The following SEL1L2 variants were observed in gnomAD, a reference collection of about 807,000 sequenced individuals.
SEL1L2 encodes SEL1L2 adaptor subunit of SYVN1 ubiquitin ligase.
SEL1L2 carries 89 observed loss-of-function variants against 98.8 expected under a neutral mutation model. The observed-to-expected ratio is 0.90, with a 90% CI of 0.76 to 1.07. The LOEUF is 1.07. Among genes scored for constraint, SEL1L2 ranks in the 50% least tolerant of loss-of-function variants. SEL1L2 has a pLI of 0.00. For missense variants in SEL1L2, 788 were observed against 812.0 expected (o/e 0.97, Z 0.36); for synonymous variants, 262 against 278.5 (o/e 0.94, Z 0.59).
intron 5 of SEL1L2, among the ~76,000 whole-genome samples, chr20:13,900,929 A>T (rs1568930575): frequency 6.6e-6 from 1 of 152,114 alleles, no homozygotes; most frequent in African/African-American, 2.4e-5. Context: ...CTAAAGAATC[A>T]TCTCGTTTTT....
chr20:13,930,588 T>C (rs555722971), intron 3 of SEL1L2, among the ~76,000 whole-genome samples: 1 of 152,328 alleles, frequency 6.6e-6, no homozygotes, highest in African/African-American at 2.4e-5. Flanking sequence ...CGATGTCATA[T>C]CTAGAGCCAA....
At chr20:13,965,440 C>A (rs1438431667) in intron 1 of SEL1L2, among the ~76,000 whole-genome samples, 1 of 151,972 alleles carries the variant, frequency 6.6e-6, no homozygotes, top group African/African-American at 2.4e-5. Context: ...CTACAAGGGC[C>A]CAGAGAAAAT....
At chr20:13,976,469 T>C (rs2051545020) in intron 1 of SEL1L2, among the ~76,000 whole-genome samples, 1 of 152,132 alleles carries the variant, frequency 6.6e-6, no homozygotes, top group Non-Finnish European at 1.5e-5. Context: ...AAGAACAGAT[T>C]GAGAAAGACA....
chr20:13,897,964 C>A (rs2047495768), intron 5 of SEL1L2, among the ~76,000 whole-genome samples: 1 of 151,700 alleles, frequency 6.6e-6, no homozygotes, highest in African/African-American at 2.4e-5. Flanking sequence ...ACACACACCC[C>A]AAAAAAACCC....
At chr20:13,888,346 G>A in intron 6 of SEL1L2, 113 bp downstream of exon 6, 2 of 725,634 alleles carry the variant, frequency 2.8e-6, no homozygotes, top group Non-Finnish European at 2.3e-6. Context: ...TATTAAGTTG[G>A]TGTTTTCAAC....
At chr20:13,896,741 T>C (rs2047444451) in intron 5 of SEL1L2, among the ~76,000 whole-genome samples, 1 of 152,020 alleles carries the variant, frequency 6.6e-6, no homozygotes, top group Non-Finnish European at 1.5e-5. Flanking sequence ...TACAAAACAT[T>C]GCTGAAATAA....
chr20:13,955,725 A>G (rs1400447935), intron 2 of SEL1L2, among the ~76,000 whole-genome samples: 3 of 152,318 alleles, frequency 2.0e-5, no homozygotes, highest in African/African-American at 7.2e-5. Flanking sequence ...TTTAATAAGC[A>G]TCTGTGACTT....
intron 3 of SEL1L2, among the ~76,000 whole-genome samples, chr20:13,929,081 C>A (rs2049014940): frequency 6.6e-6 from 1 of 152,122 alleles, no homozygotes; most frequent in Admixed American, 6.6e-5. Flanking sequence ...GGAACTGAGG[C>A]TTCTCTGAGG....
chr20:13,982,796 C>T (rs925772585), intron 1 of SEL1L2, among the ~76,000 whole-genome samples: 13 of 150,902 alleles, frequency 8.6e-5, no homozygotes, highest in African/African-American at 2.2e-4. Flanking sequence ...GAGGCCAAGG[C>T]GGGTGGATTA....
intron 2 of SEL1L2, among the ~76,000 whole-genome samples, chr20:13,938,345 C>T (rs6105191): frequency 6.6e-6 from 1 of 152,244 alleles, no homozygotes; most frequent in East Asian, 1.9e-4. Flanking sequence ...TCCCAAAGTG[C>T]TGGGATTACA....
At chr20:13,976,926 G>A (rs1231288654) in intron 1 of SEL1L2, among the ~76,000 whole-genome samples, 1 of 152,160 alleles carries the variant, frequency 6.6e-6, no homozygotes, top group Non-Finnish European at 1.5e-5. Flanking sequence ...CCCGGGAGAA[G>A]CAATTTCACC....
At chr20:13,945,968 G>C (rs1390556436) in intron 2 of SEL1L2, among the ~76,000 whole-genome samples, 1 of 151,886 alleles carries the variant, frequency 6.6e-6, no homozygotes, top group Non-Finnish European at 1.5e-5. Context: ...ATATATGAAG[G>C]GTTACATACT....
intron 5 of SEL1L2, among the ~76,000 whole-genome samples, chr20:13,900,890 G>T (rs1452066599): frequency 1.3e-5 from 2 of 152,026 alleles, no homozygotes; most frequent in Admixed American, 1.3e-4. Context: ...CTAGAGTTTT[G>T]TCCCCATTAT....
chr20:13,884,707 C>T (rs2046870651), intron 10 of SEL1L2, among the ~76,000 whole-genome samples: 1 of 151,700 alleles, frequency 6.6e-6, no homozygotes, highest in Non-Finnish European at 1.5e-5. Flanking sequence ...CGGGGTTTCA[C>T]CGTGTTCGCC....
chr20:13,849,709 T>G, intron 19 of SEL1L2, 105 bp from the exon 20 acceptor site: 3 of 1,302,832 alleles, frequency 2.3e-6, no homozygotes, highest in Non-Finnish European at 3.2e-6. Flanking sequence ...CTCCCACCCA[T>G]TCCCTTTGCT....
At chr20:13,980,415 C>T (rs1428994512) in intron 1 of SEL1L2, among the ~76,000 whole-genome samples, 1 of 152,114 alleles carries the variant, frequency 6.6e-6, no homozygotes, top group African/African-American at 2.4e-5. Context: ...ACCATGTTGG[C>T]CAGGCTGGTC....
At chr20:13,893,604 A>G (rs1350792811) in intron 5 of SEL1L2, among the ~76,000 whole-genome samples, 1 of 152,216 alleles carries the variant, frequency 6.6e-6, no homozygotes, top group Non-Finnish European at 1.5e-5. Flanking sequence ...ATTAAATAGA[A>G]CAATCAGATA....
At chr20:13,982,930 A>G (rs1273845116) in intron 1 of SEL1L2, among the ~76,000 whole-genome samples, 1 of 149,068 alleles carries the variant, frequency 6.7e-6, no homozygotes, top group African/African-American at 2.5e-5. Context: ...AGGCTGAGGC[A>G]GAAGAATTGC....
chr20:13,952,158 C>G (rs2050306425), intron 2 of SEL1L2, among the ~76,000 whole-genome samples: 1 of 152,184 alleles, frequency 6.6e-6, no homozygotes, highest in Non-Finnish European at 1.5e-5. Context: ...CAATTCCACA[C>G]CTTCACCTCA....
Sources: allele counts gnomAD v4.1 joint callset (sites outside exome capture counted in the v4.1 genomes callset), GRCh38; gene constraint gnomAD v4.1.1; transcripts MANE v1.5; gene names NCBI Gene and HGNC (gene_info 2026-07-23, HGNC 2026-07-21).